PCDH9: variants seen among roughly 807,000 people sequenced by gnomAD.
PCDH9 encodes the protein protocadherin 9.
Under a neutral mutation model 70.6 loss-of-function variants are expected in PCDH9, and 24 were observed. The ratio of observed to expected loss-of-function variants is 0.34; its 90% confidence interval spans 0.25 to 0.48. The LOEUF (loss-of-function observed/expected upper bound fraction) is 0.48, where lower values mean the gene tolerates loss of function less well. Ranked by LOEUF, PCDH9 falls within the 20% of genes least tolerant of loss-of-function variation. PCDH9 has a pLI of 0.99. For synonymous variants in PCDH9, 562 were observed against 558.5 expected, an observed-to-expected ratio of 1.01 and a Z score of -0.09; for missense variants, 1,281 against 1,503.6, an observed-to-expected ratio of 0.85 and a Z score of 2.45.
At chr13:66,908,578 A>G (rs1360291507) in intron 2 of PCDH9, among the ~76,000 whole-genome samples, 1 of 152,178 alleles carries the variant, frequency 6.6e-6, no homozygotes, top group African/African-American at 2.4e-5. Flanking sequence ...ACATATCTTT[A>G]TACTTACATC....
At chr13:66,895,902 C>T (rs189417046) in intron 3 of PCDH9, among the ~76,000 whole-genome samples, 1 of 152,290 alleles carries the variant, frequency 6.6e-6, no homozygotes, top group East Asian at 1.9e-4. Flanking sequence ...TCTACATGAA[C>T]AGCTGCATCA....
At chr13:66,382,322 G>T (rs556544011) in intron 4 of PCDH9, among the ~76,000 whole-genome samples, 21 of 152,056 alleles carry the variant, frequency 1.4e-4, no homozygotes, top group Non-Finnish European at 3.1e-4. Context: ...CTAGCCCATG[G>T]GTAAGGAAAG....
intron 2 of PCDH9, among the ~76,000 whole-genome samples, chr13:66,926,377 G>A (rs2082718532): frequency 6.6e-6 from 1 of 151,876 alleles, no homozygotes; most frequent in Non-Finnish European, 1.5e-5. Flanking sequence ...ACACCCTATT[G>A]ATGCTCATGC....
intron 4 of PCDH9, among the ~76,000 whole-genome samples, chr13:66,546,426 G>T (rs982762308): frequency 2.0e-5 from 3 of 151,860 alleles, no homozygotes; most frequent in Non-Finnish European, 2.9e-5. Flanking sequence ...ATTATAAATA[G>T]AAAAAATTTA....
intron 3 of PCDH9, among the ~76,000 whole-genome samples, chr13:66,772,168 TA>T (rs1234095455): frequency 6.6e-6 from 1 of 152,160 alleles, no homozygotes; most frequent in Non-Finnish European, 1.5e-5. Context: ...GCACATGCAA[TA>T]AAACAACTTT....
chr13:66,886,096 CCTT>C (rs1261382168), intron 3 of PCDH9: 4 of 152,120 alleles, frequency 2.6e-5, no homozygotes, highest in Non-Finnish European at 5.9e-5. Flanking sequence ...TCACAACTGA[CCTT>C]CTTACTGTTT....
intron 2 of PCDH9, among the ~76,000 whole-genome samples, chr13:67,036,632 G>C (rs770342856): frequency 3.6e-4 from 55 of 152,080 alleles, no homozygotes; most frequent in Non-Finnish European, 6.9e-4. Flanking sequence ...ATGTTATTTG[G>C]GTTCCTTCCT....
At chr13:67,017,552 G>A (rs1357953348) in intron 2 of PCDH9, among the ~76,000 whole-genome samples, 3 of 152,134 alleles carry the variant, frequency 2.0e-5, no homozygotes, top group Non-Finnish European at 4.4e-5. Context: ...AGGTTTACTG[G>A]GTAGATGGTT....
At chr13:66,386,899 T>A (rs1450793116) in intron 4 of PCDH9, among the ~76,000 whole-genome samples, 1 of 152,180 alleles carries the variant, frequency 6.6e-6, no homozygotes, top group African/African-American at 2.4e-5. Context: ...ATTCATGTAG[T>A]AATGGCAAGA....
chr13:66,863,355 T>C (rs576372130), intron 3 of PCDH9, among the ~76,000 whole-genome samples: 3 of 152,314 alleles, frequency 2.0e-5, no homozygotes, highest in Admixed American at 2.0e-4. Flanking sequence ...CTTAGTATAC[T>C]GCCCAGCAAA....
At chr13:66,928,267 C>G (rs1315091998) in intron 2 of PCDH9, among the ~76,000 whole-genome samples, 1 of 152,024 alleles carries the variant, frequency 6.6e-6, no homozygotes, top group Non-Finnish European at 1.5e-5. Flanking sequence ...ACTTGACTGG[C>G]TTCTATCTTA....
intron 4 of PCDH9, among the ~76,000 whole-genome samples, chr13:66,380,041 T>C (rs1956817750): frequency 6.6e-6 from 1 of 152,168 alleles, no homozygotes; most frequent in South Asian, 2.1e-4. Flanking sequence ...ACTTAGAATA[T>C]ATATGGACCT....
intron 2 of PCDH9, among the ~76,000 whole-genome samples, chr13:67,114,636 C>T (rs1289314816): frequency 2.0e-5 from 3 of 152,130 alleles, no homozygotes; most frequent in African/African-American, 7.2e-5. Flanking sequence ...AAAATTTCAA[C>T]GATGTTTACA....
At chr13:66,795,453 T>G (rs1181258607) in intron 3 of PCDH9, among the ~76,000 whole-genome samples, 2 of 152,146 alleles carry the variant, frequency 1.3e-5, no homozygotes, top group African/African-American at 4.8e-5. Context: ...AATTTATAAA[T>G]AGCTTTAATT....
chr13:67,129,479 T>C (rs1426994678), intron 2 of PCDH9, among the ~76,000 whole-genome samples: 5 of 152,088 alleles, frequency 3.3e-5, no homozygotes, highest in South Asian at 2.1e-4. Context: ...ATATTTTGAG[T>C]CCAGGATTTT....
intron 1 of PCDH9, among the ~76,000 whole-genome samples, chr13:67,228,914 T>A (rs2089948064): frequency 6.6e-6 from 1 of 152,192 alleles, no homozygotes; most frequent in African/African-American, 2.4e-5. Flanking sequence ...CTAACCTACC[T>A]CCCTCAGTCT....
At chr13:66,729,112 C>A (rs2079040369) in intron 3 of PCDH9, among the ~76,000 whole-genome samples, 1 of 151,978 alleles carries the variant, frequency 6.6e-6, no homozygotes, top group Non-Finnish European at 1.5e-5. Context: ...CTTGGAGGTC[C>A]CAGAAAGATC....
At chr13:66,339,146 C>T (rs1166329646) in intron 4 of PCDH9, among the ~76,000 whole-genome samples, 3 of 152,082 alleles carry the variant, frequency 2.0e-5, no homozygotes, top group Middle Eastern at 3.4e-3. Flanking sequence ...CTCAGCGTGG[C>T]CACAGTTGTA....
chr13:66,610,798 C>T (rs1054699896), intron 4 of PCDH9, among the ~76,000 whole-genome samples: 1 of 152,100 alleles, frequency 6.6e-6, no homozygotes, highest in African/African-American at 2.4e-5. Flanking sequence ...CTTTGAAAAA[C>T]ATTCTAATGA....
Sources: allele counts gnomAD v4.1 joint callset (sites outside exome capture counted in the v4.1 genomes callset), GRCh38; gene constraint gnomAD v4.1.1; transcripts MANE v1.5; gene names NCBI Gene and HGNC (gene_info 2026-07-23, HGNC 2026-07-21).